The following LRMDA variants were observed in gnomAD, a reference collection of about 807,000 sequenced individuals.
LRMDA encodes leucine rich melanocyte differentiation associated.
LRMDA carries 18 observed loss-of-function variants against 29.8 expected under a neutral mutation model. That is an observed-to-expected ratio of 0.60 (90% CI 0.42 to 0.90). The LOEUF (loss-of-function observed/expected upper bound fraction) is 0.90. Ranked by LOEUF, LRMDA falls within the 40% of genes least tolerant of loss-of-function variation. The probability of loss-of-function intolerance (pLI) is 0.00; values close to 1 mark genes in which losing one functional copy is unlikely to be tolerated. For synonymous variants in LRMDA, 125 were observed against 109.4 expected (o/e 1.14, Z -0.89); for missense variants, 273 against 273.9 (o/e 1.00, Z 0.02).
chr10:76,144,694 T>A (rs1296058228), intron 5 of LRMDA, among the ~76,000 whole-genome samples: 1 of 152,192 alleles, frequency 6.6e-6, no homozygotes, highest in East Asian at 1.9e-4. Context: ...TTCCTTCTCC[T>A]GCCTGATTGC....
intron 2 of LRMDA, chr10:75,601,118 T>C (rs1189671680): frequency 6.6e-6 from 1 of 152,208 alleles, no homozygotes; most frequent in Admixed American, 6.5e-5. Context: ...CATGACCTTT[T>C]CTTGTCAAAC....
intron 2 of LRMDA, among the ~76,000 whole-genome samples, chr10:75,729,277 G>A (rs549178266): frequency 1.3e-5 from 2 of 152,336 alleles, no homozygotes; most frequent in East Asian, 3.9e-4. Context: ...AAGCCAGGGA[G>A]TTCTATGTGT....
At chr10:75,779,665 C>A (rs2132241563) in intron 2 of LRMDA, among the ~76,000 whole-genome samples, 1 of 152,312 alleles carries the variant, frequency 6.6e-6, no homozygotes, top group East Asian at 1.9e-4. Context: ...GTTTCTTGCT[C>A]ACCTTATAGG....
chr10:76,227,790 T>G (rs1004863164), intron 5 of LRMDA, among the ~76,000 whole-genome samples: 1 of 152,168 alleles, frequency 6.6e-6, no homozygotes, highest in Non-Finnish European at 1.5e-5. Context: ...TACAGTATTT[T>G]TTATTAAATA....
chr10:75,730,499 A>T (rs1234260145), intron 2 of LRMDA, among the ~76,000 whole-genome samples: 1 of 152,140 alleles, frequency 6.6e-6, no homozygotes, highest in East Asian at 1.9e-4. Flanking sequence ...CAGCTTACTG[A>T]TGAGCGCGTC....
At chr10:76,046,714 C>A (rs752579312) in intron 3 of LRMDA, among the ~76,000 whole-genome samples, 1 of 152,174 alleles carries the variant, frequency 6.6e-6, no homozygotes, top group Non-Finnish European at 1.5e-5. Flanking sequence ...AAACTCCTGA[C>A]CTCAAATGAT....
chr10:76,164,413 A>C (rs972967431), intron 5 of LRMDA, among the ~76,000 whole-genome samples: 1 of 152,322 alleles, frequency 6.6e-6, no homozygotes, highest in African/African-American at 2.4e-5. Flanking sequence ...TGTTTTTTCT[A>C]GAATAGGGGT....
At chr10:75,812,147 G>A (rs1209498574) in intron 2 of LRMDA, among the ~76,000 whole-genome samples, 4 of 102,602 alleles carry the variant, frequency 3.9e-5, no homozygotes, top group Middle Eastern at 6.3e-3. Flanking sequence ...TTAGCAGAGC[G>A]GCATTAGTTT....
At chr10:75,592,218 G>A (rs1278483971) in intron 2 of LRMDA, among the ~76,000 whole-genome samples, 1 of 152,146 alleles carries the variant, frequency 6.6e-6, no homozygotes, top group Non-Finnish European at 1.5e-5. Context: ...GACCAGCCCT[G>A]GCAGGAATGT....
At chr10:75,495,724 G>A in intron 2 of LRMDA, among the ~76,000 whole-genome samples, 1 of 152,190 alleles carries the variant, frequency 6.6e-6, no homozygotes, top group East Asian at 1.9e-4. Context: ...GTCAAGGCCA[G>A]TGTCATGCAT....
chr10:75,443,607 C>A (rs1359752854), intron 2 of LRMDA, among the ~76,000 whole-genome samples: 3 of 152,054 alleles, frequency 2.0e-5, no homozygotes, highest in African/African-American at 7.2e-5. Flanking sequence ...ATTTGGTTTG[C>A]TGATTGTGTT....
At chr10:76,454,771 A>T in intron 6 of LRMDA, among the ~76,000 whole-genome samples, 1 of 152,194 alleles carries the variant, frequency 6.6e-6, no homozygotes, top group South Asian at 2.1e-4. Context: ...GACTTTACAG[A>T]GGTCTCATAT....
At chr10:75,828,730 T>C (rs1269632185) in intron 2 of LRMDA, among the ~76,000 whole-genome samples, 1 of 152,188 alleles carries the variant, frequency 6.6e-6, no homozygotes, top group Admixed American at 6.5e-5. Context: ...GCGGTACGTG[T>C]TATTTTTACA....
In LRMDA at chr10:75,666,876, A is replaced by G. The variant is rs886790376; in HGVS notation, c.131+228382A>G. ...TAGGACCTAAGCTTAAAATTATAAA[A>G]TTCACCTATCTGCAGGTTCCCATGG... is the stretch of plus-strand genomic sequence containing the variant. On this transcript the variant is annotated intron_variant, in intron 2 of 6. Transcript: ENST00000611255. Among the ~76,000 whole-genome samples, 8 of 152,186 alleles carry G rather than the reference A, an allele frequency of 5.3e-5. No homozygotes were observed. In the South Asian group the frequency reaches 1.2e-3, roughly 24 times the overall value.
At chr10:75,914,054 G>A (rs1414117276) in intron 2 of LRMDA, among the ~76,000 whole-genome samples, 1 of 152,220 alleles carries the variant, frequency 6.6e-6, no homozygotes, top group Non-Finnish European at 1.5e-5. Flanking sequence ...TGCTTACAAA[G>A]AAGCAGAGGT....
intron 2 of LRMDA, among the ~76,000 whole-genome samples, chr10:75,993,119 G>A (rs907040043): frequency 5.3e-5 from 8 of 152,132 alleles, no homozygotes; most frequent in African/African-American, 1.9e-4. Flanking sequence ...GCATGGTGCA[G>A]TCAGCAAACT....
chr10:76,313,836 T>G (rs1474627109), intron 5 of LRMDA, among the ~76,000 whole-genome samples: 2 of 151,916 alleles, frequency 1.3e-5, no homozygotes, highest in Admixed American at 6.6e-5. Context: ...ATACTTTCAA[T>G]GATTTTGGCC....
intron 6 of LRMDA, among the ~76,000 whole-genome samples, chr10:76,333,957 C>G (rs1469122128): frequency 6.6e-6 from 1 of 152,172 alleles, no homozygotes; most frequent in African/African-American, 2.4e-5. Flanking sequence ...TCGGTTCATC[C>G]TCATCACAGG....
At chr10:75,859,224 T>G (rs966747298) in intron 2 of LRMDA, among the ~76,000 whole-genome samples, 4 of 152,226 alleles carry the variant, frequency 2.6e-5, no homozygotes, top group African/African-American at 9.6e-5. Flanking sequence ...CTTGAGTATG[T>G]TCTAAGAGAT....
Sources: gnomAD v4.1 joint callset for allele counts (sites outside exome capture counted in the v4.1 genomes callset) on GRCh38, gnomAD v4.1.1 for gene constraint, MANE v1.5 for transcripts, NCBI Gene and HGNC (gene_info 2026-07-23, HGNC 2026-07-21) for gene names.